Variants in ZNF106 observed in about 807,000 individuals in gnomAD.
The protein encoded by ZNF106 is SH3-domain binding protein 3.
A neutral mutation model predicts 195.1 loss-of-function variants in ZNF106; 67 were observed. That is an observed-to-expected ratio of 0.34 (90% CI 0.28 to 0.42). ZNF106 has a LOEUF of 0.42. ZNF106 is among the 10% of genes least tolerant of loss of function. The probability of loss-of-function intolerance (pLI) is 1.00; values close to 1 mark genes in which losing one functional copy is unlikely to be tolerated. For synonymous variants in ZNF106, 784 were observed against 818.6 expected (o/e 0.96, Z 0.72); for missense variants, 2,118 against 2,304.5 (o/e 0.92, Z 1.66).
chr15:42,457,590 A>C, intron 3 of ZNF106: 1 of 984,046 alleles, frequency 1.0e-6, no homozygotes, highest in Non-Finnish European at 1.2e-6. Flanking sequence ...TCTTCCAGTG[A>C]AAGTTAAGGG....
chr15:42,426,999 C>T (rs2054884713), intron 15 of ZNF106, among the ~76,000 whole-genome samples: 1 of 152,192 alleles, frequency 6.6e-6, no homozygotes, highest in African/African-American at 2.4e-5. Flanking sequence ...TTTCAATGCA[C>T]ACCTTCTGTT....
At position 42,424,902 on chromosome 15, in the gene ZNF106, G is replaced by A. The variant is rs2054798393; in HGVS notation, c.5122C>T (p.Arg1708Cys). Residue 1708 changes from arginine to cysteine, a missense_variant, in exon 16 of 22, where the codon CGC becomes TGC. By Grantham distance (180) the Arg-to-Cys change is radical. Transcript: ENST00000564754. Reference sequence around the variant, plus strand: ...AGGAGCAGTCCATTCCGGGCATCGCGTACACTAATTGTGCAGTCATAAGAC... The same window carrying A: ...AGGAGCAGTCCATTCCGGGCATCGCATACACTAATTGTGCAGTCATAAGAC... ...VGSYDCTISV[R>C]DARNGLLLRT... 3.7e-6 allele frequency: 6 copies of A among 1,614,140 alleles called. No individual in the cohort carries two copies. The highest frequency in any genetic ancestry group is 4.2e-6 in the Non-Finnish European group (5 of 1,180,034).
At position 42,432,332 on chromosome 15, in the gene ZNF106, T is replaced by A. The variant is rs138291292; in HGVS notation, c.4881+3052A>T. On this transcript the variant is annotated intron_variant, in intron 14 of 21. Coordinates refer to ENST00000564754, the MANE Select transcript of ZNF106 (RefSeq NM_001366845.3). ...TATAACCACGCTTGCCTCATTTTTT[T>A]ATTTTTTGTGGAGACGGGATCTCAT... Among the ~76,000 whole-genome samples the A allele has an allele frequency of 7.3e-4, 111 of 151,942 alleles. 1 individual carries two copies. Among genetic ancestry groups the A allele is most frequent in the Middle Eastern group, 3.4e-3 (1 of 292 alleles).
intron 3 of ZNF106, chr15:42,457,669 C>CCTGGAATG: frequency 2.2e-6 from 1 of 450,804 alleles, no homozygotes; most frequent in Non-Finnish European, 3.0e-6. Flanking sequence ...TGGAGCTCTG[C>CCTGGAATG]CTGGAATGTG....
chr15:42,437,682 G>A (rs946318231), intron 12 of ZNF106, among the ~76,000 whole-genome samples: 5 of 152,156 alleles, frequency 3.3e-5, no homozygotes, highest in Middle Eastern at 3.4e-3. Flanking sequence ...CAAAATGGAC[G>A]GATCACCTGA....
chr15:42,427,767 G>T, intron 15 of ZNF106: 1 of 322,520 alleles, frequency 3.1e-6, no homozygotes, highest in Non-Finnish European at 6.0e-6. Context: ...TCATTATTTG[G>T]CCCCAAATCT....
At chr15:42,481,354 GTTGTTTTTT>G (rs2056896152) in intron 1 of ZNF106, among the ~76,000 whole-genome samples, 1 of 94,326 alleles carries the variant, frequency 1.1e-5, no homozygotes, top group African/African-American at 5.5e-5. Context: ...TTTTTTTTTT[GTTGTTTTTT>G]TTTTTTTTTT....
At chr15:42,475,067 C>G (rs1278591358) in intron 1 of ZNF106, among the ~76,000 whole-genome samples, 1 of 152,196 alleles carries the variant, frequency 6.6e-6, no homozygotes, top group Admixed American at 6.5e-5. Context: ...TGAAAGAGGC[C>G]TAAGGTTCTC....
At chr15:42,452,412 A>G (rs1230866544) in intron 4 of ZNF106, among the ~76,000 whole-genome samples, 1 of 151,940 alleles carries the variant, frequency 6.6e-6, no homozygotes, top group East Asian at 1.9e-4. Context: ...AACCCCAGCT[A>G]CTCGGGAGGC....
In ZNF106 at chr15:42,439,585, G is replaced by C; in HGVS notation, c.3992C>G (p.Thr1331Ser). 6.2e-7 allele frequency: 1 copy of C among 1,614,180 alleles called. No homozygotes were observed. Among genetic ancestry groups the C allele is most frequent in the Non-Finnish European group, 8.5e-7 (1 of 1,180,028 alleles). Reference sequence around the variant, plus strand: ...AAAAGACAATCTTAGAAAAGAACTGGTACAGGCTTCAGACCCACTATTGCC... The same window carrying C: ...AAAAGACAATCTTAGAAAAGAACTGCTACAGGCTTCAGACCCACTATTGCC... ...TKGNSGSEACTSSFLRLSFAS... is the reference protein window; with the variant it reads ...TKGNSGSEACSSSFLRLSFAS... Residue 1331 changes from threonine to serine, a missense_variant, in exon 11 of 22, where the codon ACC (threonine) becomes AGC (serine). Coordinates refer to ENST00000564754, the MANE Select transcript of ZNF106 (RefSeq NM_001366845.3).
At chr15:42,467,141 A>T (rs2056537832) in intron 2 of ZNF106, among the ~76,000 whole-genome samples, 1 of 152,182 alleles carries the variant, frequency 6.6e-6, no homozygotes, top group Non-Finnish European at 1.5e-5. Context: ...CAAAAAAAGA[A>T]AAAAGAAAAA....
intron 1 of ZNF106, among the ~76,000 whole-genome samples, chr15:42,475,420 C>T (rs180912798): frequency 6.0e-4 from 91 of 152,004 alleles, no homozygotes; most frequent in Admixed American, 2.4e-3. Context: ...CTAGCCTGGG[C>T]GACACAGCGA....
chr15:42,440,999 ATATATATATATATATATAT>A (rs1199969336), intron 10 of ZNF106, among the ~76,000 whole-genome samples: 479 of 32,176 alleles, frequency 0.015, 41 homozygotes, highest in Non-Finnish European at 0.023. Flanking sequence ...AAAAAAAAAA[ATATATATATATATATATAT>A]ATATATATAT....
At position 42,448,248 on chromosome 15, in the gene ZNF106, G is replaced by T; in HGVS notation, c.2959C>A (p.Pro987Thr). 3.1e-6 allele frequency: 5 copies of T among 1,614,184 alleles called. No homozygotes were observed. Among genetic ancestry groups the T allele is most frequent in the South Asian group, 1.1e-5 (1 of 91,082 alleles). ...DLNSQERSIP[P>T]SENQNSQESN... ...TCCTGGGAATTCTGATTCTCTGACG[G>T]TGGTATAGACCTCTCCTGGCTGTTC... Residue 987 changes from proline (P) to threonine (T), a missense_variant, in exon 6 of 22, where the codon CCG (proline) becomes ACG (threonine). Coordinates refer to ENST00000564754, the MANE Select transcript of ZNF106 (RefSeq NM_001366845.3).
intron 3 of ZNF106, among the ~76,000 whole-genome samples, chr15:42,460,964 A>C (rs954577126): frequency 6.7e-6 from 1 of 150,316 alleles, no homozygotes; most frequent in Non-Finnish European, 1.5e-5. Flanking sequence ...CTTTGCAAGA[A>C]ACTTCAAAAA....
intron 4 of ZNF106, among the ~76,000 whole-genome samples, chr15:42,452,672 TA>T (rs1223421244): frequency 6.7e-6 from 1 of 150,130 alleles, no homozygotes; most frequent in East Asian, 1.9e-4. Flanking sequence ...ATTTTATAGC[TA>T]TAGTTATCTT....
chr15:42,469,516 T>C (rs916681668), intron 2 of ZNF106, among the ~76,000 whole-genome samples: 1 of 152,056 alleles, frequency 6.6e-6, no homozygotes, highest in African/African-American at 2.4e-5. Context: ...AATACAAACA[T>C]TGAGACAACT....
intron 14 of ZNF106, among the ~76,000 whole-genome samples, chr15:42,428,913 G>A (rs970126212): frequency 3.3e-5 from 5 of 151,580 alleles, no homozygotes; most frequent in South Asian, 2.1e-4. Flanking sequence ...ACAGGCGCCC[G>A]CCACCACGCC....
At position 42,451,685 on chromosome 15, in the gene ZNF106, G is replaced by A. The variant is rs1374279817; in HGVS notation, c.587C>T (p.Thr196Ile). The change falls in exon 5 of 22, where the codon ACT becomes ATT. Residue 196 changes from threonine (T) to isoleucine (I), a missense_variant. Transcript: ENST00000564754. ...WHKGVAGGSSTWFHNHSNSGG... is the reference protein window; with the variant it reads ...WHKGVAGGSSIWFHNHSNSGG... ...AGAATTACTATGGTTGTGAAACCAAGTCGAGGAGCCTCCTGCAACACCCTT... is the reference window on the plus strand; with the variant it reads ...AGAATTACTATGGTTGTGAAACCAAATCGAGGAGCCTCCTGCAACACCCTT... 2 of 1,614,192 alleles carry A rather than the reference G, an allele frequency of 1.2e-6. No individual in the cohort carries two copies. Among genetic ancestry groups the A allele is most frequent in the Admixed American group, 1.7e-5 (1 of 60,022 alleles).
Sources: allele counts gnomAD v4.1 joint callset (sites outside exome capture counted in the v4.1 genomes callset), GRCh38; gene constraint gnomAD v4.1.1; transcripts MANE v1.5; gene names NCBI Gene and HGNC (gene_info 2026-07-23, HGNC 2026-07-21).